Variants in PSD4 observed in about 807,000 individuals in gnomAD.
PSD4 encodes PH and SEC7 domain-containing protein 4.
Under a neutral mutation model 112.5 loss-of-function variants are expected in PSD4, and 59 were observed. The observed-to-expected ratio is 0.52, with a 90% CI of 0.43 to 0.65. The LOEUF (loss-of-function observed/expected upper bound fraction) is 0.65. Among genes scored for constraint, PSD4 ranks in the 30% least tolerant of loss-of-function variants. The pLI, the probability that PSD4 is intolerant of heterozygous loss-of-function variation, is 0.00. For missense variants in PSD4, 1,267 were observed against 1,352.6 expected (o/e 0.94, Z 0.99); for synonymous variants, 533 against 540.0 (o/e 0.99, Z 0.18).
Position 113,201,602 on chromosome 2 carries a change from G to A in PSD4, c.*187G>A. ...TCCCTGAAGCTTTCCTAATATTGCTGTGCTCCCCACCACCCCCATGGCAGT... is the reference window on the plus strand; with the variant it reads ...TCCCTGAAGCTTTCCTAATATTGCTATGCTCCCCACCACCCCCATGGCAGT... On this transcript the variant is annotated 3_prime_UTR_variant, in exon 17 of 17. Transcript: ENST00000245796. 1 of 824,330 alleles carries A rather than the reference G, an allele frequency of 1.2e-6. No individual in the cohort carries two copies. The highest frequency in any genetic ancestry group is 1.7e-5 in the African/African-American group (1 of 58,052). The allele number at this position is 824,330 out of a possible 1,614,324, so 51.1% of individuals were successfully genotyped here.
At chr2:113,184,932 C>T in intron 2 of PSD4, 25 bp from the exon 3 acceptor site, 1 of 1,613,456 alleles carries the variant, frequency 6.2e-7, no homozygotes. Flanking sequence ...TCCTTCTCTC[C>T]TCTGTCTCTC....
At chr2:113,183,887 C>G (rs1266411453) in intron 2 of PSD4, among the ~76,000 whole-genome samples, 1 of 152,224 alleles carries the variant, frequency 6.6e-6, no homozygotes, top group Non-Finnish European at 1.5e-5. Flanking sequence ...CCAACTGTAA[C>G]AGGGCAGCGC....
intron 16 of PSD4, among the ~76,000 whole-genome samples, chr2:113,199,569 A>C (rs986155427): frequency 2.6e-5 from 4 of 151,696 alleles, no homozygotes; most frequent in South Asian, 2.1e-4. Context: ...CCCAAGTTGA[A>C]GGGAAAACTG....
chr2:113,187,741 T>A (rs927844227), intron 5 of PSD4, among the ~76,000 whole-genome samples: 3 of 152,200 alleles, frequency 2.0e-5, no homozygotes, highest in African/African-American at 7.2e-5. Context: ...GCAGGAGTCA[T>A]CATAATATGA....
At chr2:113,196,786 A>G (rs2104507653) in intron 12 of PSD4, among the ~76,000 whole-genome samples, 1 of 152,326 alleles carries the variant, frequency 6.6e-6, no homozygotes. Context: ...CCCCACAGAG[A>G]AAACAGCAAG....
At chr2:113,200,957 C>CTG in intron 16 of PSD4, among the ~76,000 whole-genome samples, 1 of 152,152 alleles carries the variant, frequency 6.6e-6, no homozygotes, top group Admixed American at 6.5e-5. Flanking sequence ...TGATATGTGT[C>CTG]ATTATAATAC....
At chr2:113,184,207 G>A (rs908254366) in intron 2 of PSD4, among the ~76,000 whole-genome samples, 1 of 152,114 alleles carries the variant, frequency 6.6e-6, no homozygotes, top group African/African-American at 2.4e-5. Context: ...AATTCCCTGA[G>A]AACAATGAAG....
At chr2:113,201,022 G>A (rs960956843) in intron 16 of PSD4, 136 bp from the exon 17 acceptor site, 12 of 1,119,668 alleles carry the variant, frequency 1.1e-5, no homozygotes, top group African/African-American at 7.8e-5. Context: ...TGACACTCAC[G>A]GTTGGTCCAG....
At chr2:113,185,292 C>A in intron 3 of PSD4, 73 bp from the exon 4 acceptor site, 1 of 1,591,194 alleles carries the variant, frequency 6.3e-7, no homozygotes, top group Non-Finnish European at 8.6e-7. Flanking sequence ...CCCCTTCTCC[C>A]TGCCTGGCCT....
chr2:113,199,397 T>C (rs1012411257), intron 16 of PSD4, among the ~76,000 whole-genome samples, 171 bp downstream of exon 16: 1 of 152,204 alleles, frequency 6.6e-6, no homozygotes, highest in Non-Finnish European at 1.5e-5. Context: ...GGCTCCCACA[T>C]GGACACCCGC....
chr2:113,200,491 G>T (rs906572764), intron 16 of PSD4, among the ~76,000 whole-genome samples: 2 of 152,214 alleles, frequency 1.3e-5, no homozygotes, highest in Non-Finnish European at 2.9e-5. Flanking sequence ...ATCCATGGCT[G>T]TGAACTCCCC....
intron 3 of PSD4, 28 bp from the exon 4 acceptor site, chr2:113,185,337 A>C (rs1486417194): frequency 3.7e-6 from 6 of 1,613,322 alleles, no homozygotes; most frequent in Admixed American, 3.3e-5. Context: ...TCCAGGGCTC[A>C]TGGGAATGCC....
intron 5 of PSD4, 25 bp from the exon 6 acceptor site, chr2:113,192,355 A>C (rs766628573): frequency 6.2e-7 from 1 of 1,609,258 alleles, no homozygotes; most frequent in Admixed American, 1.7e-5. Flanking sequence ...CACTTGACCC[A>C]GAGCTCCTGC....
chr2:113,185,096 G>A (rs760849806), intron 3 of PSD4, 23 bp downstream of exon 3: 121 of 1,613,806 alleles, frequency 7.5e-5, no homozygotes, highest in Non-Finnish European at 8.3e-5. Context: ...CCCTTTCTGG[G>A]CCTTACTTTC....
Position 113,185,026 on chromosome 2 carries a change from T to C in PSD4, c.1126T>C (p.Cys376Arg), listed in dbSNP as rs1436274597. Reference sequence around the variant, plus strand: ...CGAAGCATTGACCTGGGAATCAGGATGTGTCGGATCTGATCTTGGCCCTGC... The same window carrying C: ...CGAAGCATTGACCTGGGAATCAGGACGTGTCGGATCTGATCTTGGCCCTGC... ...VDEALTWESG[C>R]VGSDLGPAAH... Residue 376 changes from cysteine (C) to arginine (R), a missense_variant, in exon 3 of 17, where the codon TGT becomes CGT. Transcript: ENST00000245796. The C allele has an allele frequency of 2.5e-6, 4 of 1,614,166 alleles. No homozygotes were observed. In the African/African-American group the frequency reaches 4.0e-5, roughly 16 times the overall value.
At chr2:113,187,514 G>T (rs1388319247) in intron 5 of PSD4, among the ~76,000 whole-genome samples, 1 of 152,140 alleles carries the variant, frequency 6.6e-6, no homozygotes, top group Non-Finnish European at 1.5e-5. Flanking sequence ...TAGCAGCCTG[G>T]ATGACAAGGA....
chr2:113,197,837 G>T lies in PSD4; in HGVS notation c.2548G>T (p.Ala850Ser). Residue 850 changes from alanine (A) to serine (S), a missense_variant, in exon 14 of 17, where the codon GCC (alanine) becomes TCC (serine). By Grantham distance (99) the Ala-to-Ser change is moderately conservative (BLOSUM62 1). This residue lies in a region of PSD4 where 544 missense variants were observed against 648.6 expected (regional missense o/e 0.84). Coordinates refer to ENST00000245796, the MANE Select transcript of PSD4 (RefSeq NM_012455.3). ...VGVHHSLATPATHYTKKPHVF... is the reference protein window; with the variant it reads ...VGVHHSLATPSTHYTKKPHVF... Reference sequence around the variant, plus strand: ...GGTGCACCACTCGCTGGCCACCCCCGCCACGCATTACACCAAGAAGCCGCA... The same window carrying T: ...GGTGCACCACTCGCTGGCCACCCCCTCCACGCATTACACCAAGAAGCCGCA... The T allele has an allele frequency of 6.2e-7, 1 of 1,610,816 alleles. No individual in the cohort carries two copies. Among genetic ancestry groups the T allele is most frequent in the South Asian group, 1.1e-5 (1 of 90,978 alleles).
At position 113,182,921 on chromosome 2, in the gene PSD4, G is replaced by A; in HGVS notation, c.465G>A (p.Val155=). ...ACCGGAGCACGTCCACACAGGTAGT[G>A]TTCTGGGCAGGCATCCTGCAGGCCC... ...KQNRSTSTQV[V]FWAGILQAQM... Residue 155 remains valine (V), a synonymous_variant, in exon 2 of 17, where the codon GTG becomes GTA. Coordinates refer to ENST00000245796, the MANE Select transcript of PSD4 (RefSeq NM_012455.3). 1 of 1,614,238 alleles carries A rather than the reference G, an allele frequency of 6.2e-7. No homozygotes were observed. The highest frequency in any genetic ancestry group is 8.5e-7 in the Non-Finnish European group (1 of 1,180,032).
rs1688847716 is a variant in PSD4 at position 113,205,312 on chromosome 2, T to G, written c.*3897T>G. 1 of 152,130 alleles carries G rather than the reference T, an allele frequency of 6.6e-6. No individual in the cohort carries two copies. Among genetic ancestry groups the G allele is most frequent in the Non-Finnish European group, 1.5e-5 (1 of 68,058 alleles). The allele number at this position is 152,130 out of a possible 1,614,324, so 9.4% of individuals were successfully genotyped here. On this transcript the variant is annotated 3_prime_UTR_variant, in exon 17 of 17. Coordinates refer to ENST00000245796, the MANE Select transcript of PSD4 (RefSeq NM_012455.3). ...AGAGAAGAGTGCCAAGCTCAGGGCT[T>G]GGAGGACAGCCTAGGGATTTTGTTT...
Sources: allele counts gnomAD v4.1 joint callset (sites outside exome capture counted in the v4.1 genomes callset), GRCh38; gene constraint gnomAD v4.1.1; regional missense constraint gnomAD v4.1.1; transcripts MANE v1.5; gene names NCBI Gene and HGNC (gene_info 2026-07-23, HGNC 2026-07-21).